TENM4: variants seen among roughly 807,000 people sequenced by gnomAD.
TENM4 encodes the protein teneurin transmembrane protein 4, also known as teneurin-4.
A neutral mutation model predicts 243.3 loss-of-function variants in TENM4; 82 were observed. The observed-to-expected ratio is 0.34, with a 90% CI of 0.28 to 0.40. TENM4 has a LOEUF of 0.40. Ranked by LOEUF, TENM4 falls within the 10% of genes least tolerant of loss-of-function variation. The probability of loss-of-function intolerance (pLI) is 1.00; values close to 1 mark genes in which losing one functional copy is unlikely to be tolerated. For synonymous variants in TENM4, 1,412 were observed against 1,456.3 expected (o/e 0.97, Z 0.69); for missense variants, 3,138 against 3,673.3 (o/e 0.85, Z 3.77).
intron 4 of TENM4, among the ~76,000 whole-genome samples, chr11:79,120,122 G>T (rs186089413): frequency 2.0e-5 from 3 of 152,316 alleles, no homozygotes; most frequent in South Asian, 2.1e-4. Context: ...GATGAAGAAG[G>T]CATGGGAGTA....
chr11:78,855,927 C>A lies in TENM4; in HGVS notation c.1470+37G>T, dbSNP rs544791668. The stretch of plus-strand genomic sequence containing the variant: ...TTGGGTTAAGATTTGAGGTAGGAGC[C>A]CATGCAGATCAACAGGGTATGTGGG... On this transcript the variant is annotated intron_variant, in intron 11 of 33. Transcript: ENST00000278550. 1.9e-5 allele frequency: 30 copies of A among 1,539,226 alleles called. No homozygotes were observed. In the African/African-American group the frequency reaches 2.7e-4, roughly 14 times the overall value.
intron 28 of TENM4, among the ~76,000 whole-genome samples, chr11:78,698,404 AAACC>A (rs375751143): frequency 9.2e-5 from 14 of 151,760 alleles, no homozygotes; most frequent in Non-Finnish European, 1.3e-4. Context: ...AAACCGAACC[AAACC>A]AACCAACCAA....
chr11:78,879,120 C>T (rs975679126), intron 9 of TENM4, among the ~76,000 whole-genome samples: 4 of 151,352 alleles, frequency 2.6e-5, no homozygotes, highest in African/African-American at 9.7e-5. Flanking sequence ...GCCTGGCCAC[C>T]CCATCTGGGA....
intron 12 of TENM4, among the ~76,000 whole-genome samples, chr11:78,825,885 G>T (rs1038568001): frequency 9.9e-5 from 15 of 152,124 alleles, no homozygotes; most frequent in Non-Finnish European, 4.4e-5. Context: ...CTCAGCTGCT[G>T]GCTAGAGAGT....
Position 78,722,715 on chromosome 11 carries a change from A to G in TENM4, c.3753T>C (p.Ile1251=). The change falls in exon 24 of 34, where the codon ATT becomes ATC. Residue 1251 remains isoleucine (I), a synonymous_variant. Coordinates refer to ENST00000278550, the MANE Select transcript of TENM4 (RefSeq NM_001098816.3). ...GSLYVGDFNY[I]RRIFPSGNVT... ...CATTTCCAGAGGGGAAGATCCTTCT[A>G]ATGTAGTTGAAATCACCCACATAGA... 6.2e-7 allele frequency: 1 copy of G among 1,614,020 alleles called. No individual in the cohort carries two copies. The highest frequency in any genetic ancestry group is 8.5e-7 in the Non-Finnish European group (1 of 1,179,886).
At chr11:79,311,345 T>C (rs1856718446) in intron 1 of TENM4, among the ~76,000 whole-genome samples, 1 of 152,144 alleles carries the variant, frequency 6.6e-6, no homozygotes, top group African/African-American at 2.4e-5. Context: ...GTGACACAGG[T>C]CAGGTAGCTA....
chr11:78,895,762 A>G (rs907285174), intron 7 of TENM4, among the ~76,000 whole-genome samples: 1 of 152,182 alleles, frequency 6.6e-6, no homozygotes, highest in Non-Finnish European at 1.5e-5. Flanking sequence ...TTTTACAGAT[A>G]TGGAAACTAA....
chr11:78,963,506 C>T (rs1156352781), intron 6 of TENM4, among the ~76,000 whole-genome samples: 1 of 152,198 alleles, frequency 6.6e-6, no homozygotes, highest in Non-Finnish European at 1.5e-5. Context: ...AGGTTTATAA[C>T]ATAGTCATAT....
intron 4 of TENM4, among the ~76,000 whole-genome samples, chr11:79,145,459 G>T (rs1862379606): frequency 6.6e-6 from 1 of 152,030 alleles, no homozygotes; most frequent in Admixed American, 6.6e-5. Flanking sequence ...GTTTTACCTG[G>T]CTTTGTACTT....
intron 1 of TENM4, among the ~76,000 whole-genome samples, chr11:79,433,081 A>G (rs1218673825): frequency 2.0e-5 from 3 of 152,220 alleles, no homozygotes; most frequent in Non-Finnish European, 4.4e-5. Context: ...CTAAAATGAA[A>G]GAATGGGCAC....
chr11:79,023,109 A>G (rs761486037), intron 6 of TENM4, among the ~76,000 whole-genome samples: 1 of 152,170 alleles, frequency 6.6e-6, no homozygotes, highest in African/African-American at 2.4e-5. Flanking sequence ...TTACTCCTTC[A>G]TTTATTTAAA....
chr11:78,896,615 T>A (rs1277257270), intron 7 of TENM4, among the ~76,000 whole-genome samples: 13 of 152,042 alleles, frequency 8.6e-5, no homozygotes, highest in Non-Finnish European at 1.9e-4. Flanking sequence ...CTACTTGCCA[T>A]CTCTCCAAAA....
Position 79,250,830 on chromosome 11 carries a change from G to A in TENM4, c.-264-34921C>T, listed in dbSNP as rs138159562. Reference sequence around the variant, plus strand: ...TTCAATTGCTTTTTAAATCAAATAGGTGTCTGGCTATACAATTACTTCACA... The same window carrying A: ...TTCAATTGCTTTTTAAATCAAATAGATGTCTGGCTATACAATTACTTCACA... On this transcript the variant is annotated intron_variant, in intron 2 of 33. Transcript: ENST00000278550. Among the ~76,000 whole-genome samples the A allele has an allele frequency of 4.3e-3, 659 of 152,286 alleles. 4 individuals carry two copies. The highest frequency in any genetic ancestry group is 0.022 in the South Asian group (107 of 4,824).
At chr11:79,164,472 A>G (rs1377190832) in intron 3 of TENM4, among the ~76,000 whole-genome samples, 1 of 129,368 alleles carries the variant, frequency 7.7e-6, no homozygotes, top group Non-Finnish European at 1.5e-5. Context: ...TATATAGTGT[A>G]TATATATAGT....
At chr11:78,780,950 T>C (rs1288384902) in intron 16 of TENM4, among the ~76,000 whole-genome samples, 1 of 152,096 alleles carries the variant, frequency 6.6e-6, no homozygotes, top group African/African-American at 2.4e-5. Context: ...GGGATTCCTT[T>C]GCTACAAAGA....
In TENM4 at chr11:79,064,093, T is replaced by C. The variant is rs567752820; in HGVS notation, c.493+645A>G. 4.0e-3 allele frequency among the ~76,000 whole-genome samples: 602 copies of C among 151,174 alleles called. 5 individuals are homozygous for C. Among genetic ancestry groups the C allele is most frequent in the African/African-American group, 0.014 (580 of 41,234 alleles). The stretch of plus-strand genomic sequence containing the variant: ...TCTCTCATCTCACATACTTATTTTT[T>C]TGTGGTGAGAATATTTAAAAATCTA... On this transcript the variant is annotated intron_variant, in intron 6 of 33. Transcript: ENST00000278550.
At chr11:78,842,894 C>CT (rs1308023132) in intron 12 of TENM4, among the ~76,000 whole-genome samples, 1 of 152,186 alleles carries the variant, frequency 6.6e-6, no homozygotes, top group African/African-American at 2.4e-5. Flanking sequence ...TTTATGTAGG[C>CT]CAGGTGTGAT....
In TENM4 at chr11:79,380,199, C is replaced by G. The variant is rs76732334; in HGVS notation, c.-321+60310G>C. Among the ~76,000 whole-genome samples the G allele has an allele frequency of 6.7e-3, 1,016 of 152,094 alleles. 10 individuals are homozygous for G. Among genetic ancestry groups the G allele is most frequent in the African/African-American group, 0.024 (991 of 41,456 alleles). ...TGCAGCAAATGTTGAATGAGAAAAG[C>G]AAAGCAAGATTGTCTAAACACCTTT... On this transcript the variant is annotated intron_variant, in intron 1 of 33. Coordinates refer to ENST00000278550, the MANE Select transcript of TENM4 (RefSeq NM_001098816.3).
chr11:78,772,228 A>G (rs1856660488), intron 17 of TENM4, among the ~76,000 whole-genome samples: 1 of 152,190 alleles, frequency 6.6e-6, no homozygotes, highest in African/African-American at 2.4e-5. Flanking sequence ...TGATTGCCAC[A>G]TCTTTAAACC....
Sources: allele counts gnomAD v4.1 joint callset (sites outside exome capture counted in the v4.1 genomes callset), GRCh38; gene constraint gnomAD v4.1.1; transcripts MANE v1.5; gene names NCBI Gene and HGNC (gene_info 2026-07-23, HGNC 2026-07-21).